Variants in OSBP2 observed in about 807,000 individuals in gnomAD.
OSBP2 encodes oxysterol-binding protein 2.
In OSBP2, 66 loss-of-function variants were observed where a neutral mutation model predicts 96.0. That is an observed-to-expected ratio of 0.69 (90% confidence interval 0.56 to 0.84). The LOEUF is 0.84. OSBP2 is among the 40% of genes least tolerant of loss of function. The probability of loss-of-function intolerance (pLI) is 0.00; values close to 1 mark genes in which losing one functional copy is unlikely to be tolerated. For missense variants in OSBP2, 1,038 were observed against 1,222.7 expected (o/e 0.85, Z 2.25); for synonymous variants, 525 against 520.9 (o/e 1.01, Z -0.11).
intron 1 of OSBP2, among the ~76,000 whole-genome samples, chr22:30,704,595 C>A (rs2089219019): frequency 6.6e-6 from 1 of 151,242 alleles, no homozygotes; most frequent in South Asian, 2.1e-4. Context: ...CAGTTCACTG[C>A]AACCTCTGCC....
intron 2 of OSBP2, among the ~76,000 whole-genome samples, chr22:30,752,067 G>A (rs1179885516): frequency 6.6e-6 from 1 of 152,070 alleles, no homozygotes; most frequent in Non-Finnish European, 1.5e-5. Context: ...CTCAGCCGTG[G>A]GCCTTCCCTG....
intron 8 of OSBP2, among the ~76,000 whole-genome samples, chr22:30,892,085 G>A (rs1480831007): frequency 6.6e-6 from 1 of 152,118 alleles, no homozygotes; most frequent in Non-Finnish European, 1.5e-5. Flanking sequence ...GCGATGGAGG[G>A]AGTGGCCCAC....
At chr22:30,865,639 A>G (rs939508067) in intron 2 of OSBP2, among the ~76,000 whole-genome samples, 13 of 121,212 alleles carry the variant, frequency 1.1e-4, no homozygotes, top group Middle Eastern at 3.7e-3. Context: ...CTCAAAAAAA[A>G]AAAAAAAAAA....
chr22:30,896,144 C>T (rs1348925758), intron 12 of OSBP2, among the ~76,000 whole-genome samples: 1 of 151,790 alleles, frequency 6.6e-6, no homozygotes, highest in African/African-American at 2.4e-5. Context: ...CTCAGTCTTC[C>T]GAGTAGCTGA....
intron 2 of OSBP2, among the ~76,000 whole-genome samples, chr22:30,852,923 G>C (rs983848003): frequency 2.6e-5 from 4 of 151,850 alleles, no homozygotes; most frequent in African/African-American, 9.7e-5. Context: ...ATATATTCGG[G>C]GTTTTTTTCC....
chr22:30,801,443 T>C (rs2090850175), intron 2 of OSBP2, among the ~76,000 whole-genome samples: 1 of 152,216 alleles, frequency 6.6e-6, no homozygotes, highest in South Asian at 2.1e-4. Context: ...TGCCCACTCC[T>C]GTTCCACCTA....
intron 1 of OSBP2, among the ~76,000 whole-genome samples, chr22:30,732,075 G>A (rs1185826078): frequency 6.6e-6 from 1 of 152,128 alleles, no homozygotes; most frequent in Non-Finnish European, 1.5e-5. Flanking sequence ...AGGCCAAGGT[G>A]GAAAGATCAC....
rs201422523 is a variant in OSBP2, at chr22:30,804,058, C to T, written c.853+62689C>T. 1.4e-4 allele frequency among the ~76,000 whole-genome samples: 21 copies of T among 152,318 alleles called. 1 individual carries two copies. The East Asian group carries it at 3.3e-3, about 24-fold the overall frequency. ...TTTAAACTTGATGGGTCACCTCTGC[C>T]TTCGACCCTACCAGCATTCGGTTCC... is the stretch of plus-strand genomic sequence containing the variant. On this transcript the variant is annotated intron_variant, in intron 2 of 13. Transcript: ENST00000332585.
At position 30,797,022 on chromosome 22, in the gene OSBP2, TG is replaced by T. The variant is rs935766531; in HGVS notation, c.853+55655del. On this transcript the variant is annotated intron_variant, in intron 2 of 13. Coordinates refer to ENST00000332585, the MANE Select transcript of OSBP2 (RefSeq NM_030758.4). ...CCCATTCCTCACTCCCTTTAGCCCC[TG>T]GCTCCCACCATTCTACTTTCTGTCT... is the stretch of plus-strand genomic sequence containing the variant. Among the ~76,000 whole-genome samples the T allele has an allele frequency of 1.8e-4, 27 of 152,316 alleles. 4 individuals carry two copies. Among genetic ancestry groups the T allele is most frequent in the Admixed American group, 1.5e-3 (23 of 15,296 alleles).
intron 2 of OSBP2, among the ~76,000 whole-genome samples, chr22:30,759,692 A>C (rs2090184064): frequency 6.6e-6 from 1 of 152,254 alleles, no homozygotes; most frequent in South Asian, 2.1e-4. Context: ...TATAACTATT[A>C]AAGAAGTTGC....
chr22:30,695,665 G>A lies in OSBP2; in HGVS notation c.644+112G>A. The A allele has an allele frequency of 5.3e-6, 8 of 1,499,598 alleles. No homozygotes were observed. The South Asian group carries it at 8.0e-5, about 15-fold the overall frequency. 92.9% of individuals were successfully genotyped at this position (1,499,598 alleles called of 1,614,324 possible). A position where few individuals can be genotyped will look rare whatever the true frequency, so the allele number is the denominator to read the frequency against. On this transcript the variant is annotated intron_variant, in intron 1 of 13. Coordinates refer to ENST00000332585, the MANE Select transcript of OSBP2 (RefSeq NM_030758.4). ...ACTGCCACTAGTCTAGAGATGTTTA[G>A]GGGCATGCATTCCAGCAGGCCAAGT...
chr22:30,786,018 T>TTG (rs59686538), intron 2 of OSBP2, among the ~76,000 whole-genome samples: 1,619 of 149,074 alleles, frequency 0.011, 16 homozygotes, highest in South Asian at 0.049. Context: ...CTAATACAGT[T>TTG]TGTGTGTGTG....
chr22:30,694,799 C>T (rs79717894), upstream of OSBP2: 58,715 of 555,502 alleles, frequency 0.11, 3,577 homozygotes, highest in Admixed American at 0.17. Flanking sequence ...CGGAGGAACC[C>T]GCGCGCGCCC....
At chr22:30,822,046 T>G (rs2038283613) in intron 2 of OSBP2, among the ~76,000 whole-genome samples, 1 of 152,176 alleles carries the variant, frequency 6.6e-6, no homozygotes, top group Non-Finnish European at 1.5e-5. Flanking sequence ...GCCTGTTGCC[T>G]TCTTCCTGCA....
intron 1 of OSBP2, among the ~76,000 whole-genome samples, chr22:30,730,716 G>GTCTCTCTCTCTCTCTCCC (rs2089737186): frequency 4.5e-4 from 9 of 19,962 alleles, no homozygotes; most frequent in Non-Finnish European, 7.7e-4. Flanking sequence ...TCGCTGCCCT[G>GTCTCTCTCTCTCTCTCCC]TCTCTCTCTC....
intron 2 of OSBP2, among the ~76,000 whole-genome samples, chr22:30,865,097 A>C (rs78137881): frequency 0.045 from 6,876 of 152,238 alleles, 210 homozygotes; most frequent in Non-Finnish European, 0.062. Flanking sequence ...TCCACTTCTA[A>C]AAATAGCCCA....
At chr22:30,876,061 T>A (rs1317287025) in intron 3 of OSBP2, among the ~76,000 whole-genome samples, 1 of 152,216 alleles carries the variant, frequency 6.6e-6, no homozygotes, top group Admixed American at 6.5e-5. Context: ...AGAGGCAGAT[T>A]CCTGTCCAGC....
chr22:30,788,141 G>C (rs1035497524), intron 2 of OSBP2, among the ~76,000 whole-genome samples: 5 of 152,156 alleles, frequency 3.3e-5, no homozygotes, highest in Non-Finnish European at 7.3e-5. Flanking sequence ...GATGTGTGAA[G>C]TGTCAGCGCC....
At chr22:30,829,384 C>T (rs920752636) in intron 2 of OSBP2, among the ~76,000 whole-genome samples, 9 of 152,226 alleles carry the variant, frequency 5.9e-5, no homozygotes, top group African/African-American at 2.2e-4. Context: ...CCTCTGCCTC[C>T]CGGGTTCAAG....
Sources: allele counts gnomAD v4.1 joint callset (sites outside exome capture counted in the v4.1 genomes callset), GRCh38; gene constraint gnomAD v4.1.1; transcripts MANE v1.5; gene names NCBI Gene and HGNC (gene_info 2026-07-23, HGNC 2026-07-21).